The following VCAN variants were observed in gnomAD, a reference collection of about 807,000 sequenced individuals.
VCAN encodes the protein versican, also known as versican core protein.
In VCAN, 44 loss-of-function variants were observed where a neutral mutation model predicts 245.5. The observed-to-expected ratio is 0.18, with a 90% CI of 0.14 to 0.23. The LOEUF is 0.23. Among genes scored for constraint, VCAN ranks in the 10% least tolerant of loss-of-function variants. The probability of loss-of-function intolerance (pLI) is 1.00; values close to 1 mark genes in which losing one functional copy is unlikely to be tolerated. For synonymous variants in VCAN, 1,413 were observed against 1,437.0 expected, an observed-to-expected ratio of 0.98 and a Z score of 0.38; for missense variants, 3,793 against 4,057.9, an observed-to-expected ratio of 0.93 and a Z score of 1.77.
chr5:83,543,252 G>A (rs189678945), intron 8 of VCAN, among the ~76,000 whole-genome samples: 2 of 152,234 alleles, frequency 1.3e-5, no homozygotes, highest in Admixed American at 6.5e-5. Context: ...AGCTCTAATG[G>A]TGTTTTCCCA....
chr5:83,553,627 A>G (rs932296085), intron 11 of VCAN, 105 bp downstream of exon 11: 1 of 1,429,646 alleles, frequency 7.0e-7, no homozygotes, highest in African/African-American at 1.4e-5. Flanking sequence ...ATCATAATAC[A>G]ACTTATCAAA....
chr5:83,512,544 C>T, intron 6 of VCAN, 148 bp downstream of exon 6: 1 of 1,034,832 alleles, frequency 9.7e-7, no homozygotes, highest in Non-Finnish European at 1.4e-6. Flanking sequence ...CAAAAGCAAG[C>T]AAACTGAACA....
intron 10 of VCAN, among the ~76,000 whole-genome samples, chr5:83,551,105 T>C (rs1747448755): frequency 6.6e-6 from 1 of 152,018 alleles, no homozygotes; most frequent in Admixed American, 6.6e-5. Context: ...AATGTATGCA[T>C]CTGCTAACTG....
intron 1 of VCAN, 81 bp from the exon 2 acceptor site, chr5:83,483,432 A>C (rs1744680779): frequency 3.6e-6 from 4 of 1,109,174 alleles, no homozygotes; most frequent in Non-Finnish European, 5.5e-6. Flanking sequence ...TATTACATAC[A>C]ATGCACAAAA....
intron 7 of VCAN, among the ~76,000 whole-genome samples, chr5:83,529,050 A>T (rs1463476236): frequency 6.6e-6 from 1 of 151,828 alleles, no homozygotes; most frequent in African/African-American, 2.4e-5. Flanking sequence ...ACATATATAC[A>T]GGTAATATAC....
chr5:83,519,513 A>C lies in VCAN; in HGVS notation c.1207A>C (p.Ser403Arg), dbSNP rs1239248625. ...TEFPPVGNIVSFEQKATVQPQ... is the reference protein window; with the variant it reads ...TEFPPVGNIVRFEQKATVQPQ... ...GTTCCCTCCCGTGGGAAATATTGTC[A>C]GTTTTGAACAGAAAGCCACAGTCCA... Residue 403 changes from serine to arginine, a missense_variant, in exon 7 of 15, where the codon AGT (serine) becomes CGT (arginine). This residue lies in a region of VCAN where 3,182 missense variants were observed against 3,250.3 expected (regional missense o/e 0.98). Coordinates refer to ENST00000265077, the MANE Select transcript of VCAN (RefSeq NM_004385.5). 3 of 1,614,022 alleles carry C rather than the reference A, an allele frequency of 1.9e-6. No homozygotes were observed. Among genetic ancestry groups the C allele is most frequent in the Non-Finnish European group, 2.5e-6 (3 of 1,179,986 alleles).
At chr5:83,562,870 TC>T (rs1747921458) in intron 12 of VCAN, among the ~76,000 whole-genome samples, 2 of 152,116 alleles carry the variant, frequency 1.3e-5, no homozygotes, top group Admixed American at 6.6e-5. Context: ...GTAACTCACA[TC>T]CTTCTGAAAA....
At chr5:83,574,303 G>A (rs1748398719) in intron 13 of VCAN, among the ~76,000 whole-genome samples, 1 of 152,064 alleles carries the variant, frequency 6.6e-6, no homozygotes, top group Non-Finnish European at 1.5e-5. Flanking sequence ...AGGTTTCTAG[G>A]TATTCCTTAA....
chr5:83,542,278 C>G lies in VCAN; in HGVS notation c.9265+10C>G. On this transcript the variant is annotated intron_variant, in intron 8 of 14. Coordinates refer to ENST00000265077, the MANE Select transcript of VCAN (RefSeq NM_004385.5). ...GCAATCTATTTACCAGGTAAGATCACAACATTGATAAATCTGTTTCCAAAC... is the reference window on the plus strand; with the variant it reads ...GCAATCTATTTACCAGGTAAGATCAGAACATTGATAAATCTGTTTCCAAAC... 1 of 1,609,884 alleles carries G rather than the reference C, an allele frequency of 6.2e-7. No individual in the cohort carries two copies. Among genetic ancestry groups the G allele is most frequent in the Non-Finnish European group, 8.5e-7 (1 of 1,179,134 alleles).
At chr5:83,481,825 T>G (rs1744624616) in intron 1 of VCAN, among the ~76,000 whole-genome samples, 1 of 152,140 alleles carries the variant, frequency 6.6e-6, no homozygotes, top group Non-Finnish European at 1.5e-5. Flanking sequence ...GCAAAAAAAT[T>G]AAGAGAAAAG....
At chr5:83,551,378 GGT>G (rs1209555746) in intron 10 of VCAN, among the ~76,000 whole-genome samples, 2 of 151,986 alleles carry the variant, frequency 1.3e-5, no homozygotes, top group Non-Finnish European at 2.9e-5. Context: ...CAGGCATGGT[GGT>G]GCACGCCTGT....
chr5:83,572,138 G>C (rs10050578), intron 12 of VCAN, among the ~76,000 whole-genome samples: 3,852 of 152,196 alleles, frequency 0.025, 117 homozygotes, highest in African/African-American at 0.079. Flanking sequence ...TAAATTGAAG[G>C]TTGATGATAT....
At chr5:83,560,879 C>G (rs1316209191) in intron 12 of VCAN, among the ~76,000 whole-genome samples, 2 of 152,110 alleles carry the variant, frequency 1.3e-5, no homozygotes, top group Admixed American at 1.3e-4. Flanking sequence ...TGACCCTTCC[C>G]CACTGGACAC....
At chr5:83,472,936 C>A (rs979456279) in intron 1 of VCAN, among the ~76,000 whole-genome samples, 19 of 152,212 alleles carry the variant, frequency 1.2e-4, no homozygotes, top group Admixed American at 9.8e-4. Flanking sequence ...GCACCCAGAG[C>A]GCACTGCAGA....
chr5:83,523,299 C>T (rs1232470064), intron 7 of VCAN, among the ~76,000 whole-genome samples: 1 of 151,906 alleles, frequency 6.6e-6, no homozygotes, highest in African/African-American at 2.4e-5. Context: ...TTAGAAATTA[C>T]GATCATGGAT....
Position 83,541,453 on chromosome 5 carries a change from T to G in VCAN, c.8450T>G (p.Phe2817Cys), listed in dbSNP as rs779088255. Residue 2817 changes from phenylalanine to cysteine, a missense_variant, in exon 8 of 15, where the codon TTT becomes TGT. This residue lies in a region of VCAN where 3,182 missense variants were observed against 3,250.3 expected (regional missense o/e 0.98). Coordinates refer to ENST00000265077, the MANE Select transcript of VCAN (RefSeq NM_004385.5). ...GATACAACATTAGCAGTTTCAACAT[T>G]TGCGAAGTTGTCTTCTCAGACACCA... is the stretch of plus-strand genomic sequence containing the variant. ...YTDTTLAVST[F>C]AKLSSQTPSS... The G allele has an allele frequency of 6.2e-7, 1 of 1,614,076 alleles. No homozygotes were observed. The highest frequency in any genetic ancestry group is 8.5e-7 in the Non-Finnish European group (1 of 1,179,998).
intron 1 of VCAN, among the ~76,000 whole-genome samples, chr5:83,477,297 T>G (rs1202225263): frequency 6.6e-6 from 1 of 152,170 alleles, no homozygotes; most frequent in African/African-American, 2.4e-5. Flanking sequence ...ATCTATAAAA[T>G]AAATCAGAGA....
chr5:83,544,577 A>G (rs1747132600), intron 8 of VCAN, among the ~76,000 whole-genome samples: 1 of 152,168 alleles, frequency 6.6e-6, no homozygotes, highest in South Asian at 2.1e-4. Flanking sequence ...TCCATAGATA[A>G]TCTATTTTAT....
At chr5:83,509,063 AAAAG>A (rs35600716) in intron 5 of VCAN, among the ~76,000 whole-genome samples, 37,320 of 147,880 alleles carry the variant, frequency 0.25, 4,949 homozygotes, top group East Asian at 0.53. Flanking sequence ...AGAAAGAAAG[AAAAG>A]AAAGAAAGAA....
Sources: gnomAD v4.1 joint callset for allele counts (sites outside exome capture counted in the v4.1 genomes callset) on GRCh38, gnomAD v4.1.1 for gene constraint, gnomAD v4.1.1 regional missense constraint, MANE v1.5 for transcripts, NCBI Gene and HGNC (gene_info 2026-07-23, HGNC 2026-07-21) for gene names.